Variants in NRG3 observed in about 807,000 individuals in gnomAD.
The protein encoded by NRG3 is neuregulin 3.
A neutral mutation model predicts 66.9 loss-of-function variants in NRG3; 31 were observed. The observed-to-expected ratio is 0.46, with a 90% CI of 0.35 to 0.63. The LOEUF is 0.63. Ranked by LOEUF, NRG3 falls within the 20% of genes least tolerant of loss-of-function variation. The pLI is 0.00. For synonymous variants in NRG3, 393 were observed against 359.4 expected (o/e 1.09, Z -1.06); for missense variants, 910 against 878.9 (o/e 1.04, Z -0.45).
chr10:82,568,758 A>G (rs1488638166), intron 2 of NRG3, among the ~76,000 whole-genome samples: 4 of 151,770 alleles, frequency 2.6e-5, no homozygotes, highest in South Asian at 2.1e-4. Flanking sequence ...TTACCTCCTT[A>G]TAACACGGAA....
intron 3 of NRG3, among the ~76,000 whole-genome samples, chr10:82,748,110 G>C (rs1291594392): frequency 2.0e-5 from 3 of 151,308 alleles, no homozygotes; most frequent in African/African-American, 7.3e-5. Flanking sequence ...CTACTCTGCA[G>C]ATAGGGGTAA....
chr10:82,385,361 T>C lies in NRG3; in HGVS notation c.953+26493T>C, dbSNP rs572229308. Reference sequence around the variant, plus strand: ...ATTTATTGACTGTATTTATTATACCTATTTTCTTCTCAGACAATCAAGAAT... The same window carrying C: ...ATTTATTGACTGTATTTATTATACCCATTTTCTTCTCAGACAATCAAGAAT... On this transcript the variant is annotated intron_variant, in intron 2 of 8. Transcript: ENST00000372141. 5.3e-5 allele frequency among the ~76,000 whole-genome samples: 8 copies of C among 152,270 alleles called. No individual in the cohort carries two copies. In the East Asian group the frequency reaches 1.5e-3, roughly 29 times the overall value.
At chr10:82,657,398 A>C (rs1338649833) in intron 2 of NRG3, among the ~76,000 whole-genome samples, 1 of 151,926 alleles carries the variant, frequency 6.6e-6, no homozygotes, top group Non-Finnish European at 1.5e-5. Flanking sequence ...TCCTGTTTTT[A>C]CTTATTTTTT....
chr10:82,413,727 T>G (rs1474695173), intron 2 of NRG3, among the ~76,000 whole-genome samples: 2 of 152,204 alleles, frequency 1.3e-5, no homozygotes, highest in African/African-American at 4.8e-5. Flanking sequence ...CTAGATCTTC[T>G]TGATTACTTG....
rs1035145882 is a variant in NRG3 at position 82,524,015 on chromosome 10, G to A, written c.953+165147G>A. Among the ~76,000 whole-genome samples the A allele has an allele frequency of 3.3e-5, 5 of 152,162 alleles. No individual in the cohort carries two copies. The Middle Eastern group carries it at 0.01, about 311-fold the overall frequency. On this transcript the variant is annotated intron_variant, in intron 2 of 8. Coordinates refer to ENST00000372141, the MANE Select transcript of NRG3 (RefSeq NM_001010848.4). ...CTTAAAGTTGTTACTGAGTTAAAAT[G>A]TAGAGCCTGAATTGTGAAGTGGATG...
At chr10:82,331,221 T>C (rs1362953065) in intron 1 of NRG3, among the ~76,000 whole-genome samples, 1 of 152,198 alleles carries the variant, frequency 6.6e-6, no homozygotes, top group African/African-American at 2.4e-5. Context: ...TGTTGTCTTT[T>C]CATCTTCTCT....
At chr10:82,724,282 A>G (rs1000768782) in intron 2 of NRG3, among the ~76,000 whole-genome samples, 2 of 151,872 alleles carry the variant, frequency 1.3e-5, no homozygotes, top group South Asian at 4.1e-4. Flanking sequence ...TGAGGCTTTT[A>G]ATATGAAATC....
At chr10:82,712,497 C>T (rs559386730) in intron 2 of NRG3, among the ~76,000 whole-genome samples, 2 of 152,306 alleles carry the variant, frequency 1.3e-5, no homozygotes, top group East Asian at 3.9e-4. Context: ...TATGATTCTC[C>T]ATGGCCAACG....
intron 3 of NRG3, among the ~76,000 whole-genome samples, chr10:82,781,680 G>A (rs2060123043): frequency 6.6e-6 from 1 of 152,008 alleles, no homozygotes; most frequent in African/African-American, 2.4e-5. Context: ...TACACACCAA[G>A]CAAGAAGGCT....
In NRG3 at chr10:82,070,041, C is replaced by T. The variant is rs79009373; in HGVS notation, c.823+193878C>T. ...CTCATCACCCAAGAAAATAACAGAT[C>T]GTAGATCTAACACATGCTTTACATG... is the stretch of plus-strand genomic sequence containing the variant. On this transcript the variant is annotated intron_variant, in intron 1 of 8. Transcript: ENST00000372141. Among the ~76,000 whole-genome samples, 972 of 152,248 alleles carry T rather than the reference C, an allele frequency of 6.4e-3. 10 individuals carry two copies. Among genetic ancestry groups the T allele is most frequent in the African/African-American group, 0.022 (923 of 41,554 alleles).
chr10:82,951,539 C>T lies in NRG3; in HGVS notation c.1125C>T (p.Gly375=), dbSNP rs776667988. The change falls in exon 5 of 9, where the codon GGC becomes GGT. Residue 375 remains glycine (G), a synonymous_variant. Transcript: ENST00000372141. ...TCATCTTTGGAATTGTCATCGTGGGCATGTTCTGTGCAGCATTCTACTTCA... is the reference window on the plus strand; with the variant it reads ...TCATCTTTGGAATTGTCATCGTGGGTATGTTCTGTGCAGCATTCTACTTCA... The part of the protein sequence containing the change: ...SCIIFGIVIV[G]MFCAAFYFKS... The T allele has an allele frequency of 1.2e-6, 2 of 1,613,888 alleles. No homozygotes were observed. Among genetic ancestry groups the T allele is most frequent in the East Asian group, 2.2e-5 (1 of 44,876 alleles).
chr10:82,116,891 A>G (rs1361302735), intron 1 of NRG3, among the ~76,000 whole-genome samples: 3 of 152,084 alleles, frequency 2.0e-5, no homozygotes, highest in African/African-American at 4.8e-5. Flanking sequence ...CCAGACATCC[A>G]TGACCTGGAG....
intron 1 of NRG3, among the ~76,000 whole-genome samples, chr10:81,989,313 A>G (rs750099526): frequency 1.3e-5 from 2 of 152,114 alleles, no homozygotes; most frequent in African/African-American, 2.4e-5. Flanking sequence ...CAGTCTATAG[A>G]TAGTTAGAGT....
chr10:82,206,247 T>C (rs2133564222), intron 1 of NRG3, among the ~76,000 whole-genome samples: 1 of 152,346 alleles, frequency 6.6e-6, no homozygotes, highest in East Asian at 1.9e-4. Flanking sequence ...TTAGAACAGA[T>C]AACTGAAATC....
chr10:82,019,642 A>G (rs1032079414), intron 1 of NRG3, among the ~76,000 whole-genome samples: 15 of 152,254 alleles, frequency 9.9e-5, no homozygotes, highest in African/African-American at 3.6e-4. Flanking sequence ...TAAGAGATTC[A>G]GCTTCTTCCT....
rs116361758 is a variant in NRG3 at position 82,415,686 on chromosome 10, C to T, written c.953+56818C>T. 2.2e-3 allele frequency among the ~76,000 whole-genome samples: 339 copies of T among 152,206 alleles called. 1 individual carries two copies. The highest frequency in any genetic ancestry group is 7.5e-3 in the African/African-American group (313 of 41,530). On this transcript the variant is annotated intron_variant, in intron 2 of 8. Transcript: ENST00000372141. Reference sequence around the variant, plus strand: ...TTTATAAAGTTGAGTCACGCTACTCCAGAGAATACTTGTTTTCGTTCTGTG... The same window carrying T: ...TTTATAAAGTTGAGTCACGCTACTCTAGAGAATACTTGTTTTCGTTCTGTG...
At chr10:82,304,475 G>A (rs2080594104) in intron 1 of NRG3, among the ~76,000 whole-genome samples, 1 of 152,052 alleles carries the variant, frequency 6.6e-6, no homozygotes, top group African/African-American at 2.4e-5. Context: ...TTTTTCCACT[G>A]AGCATTTTGA....
intron 2 of NRG3, among the ~76,000 whole-genome samples, chr10:82,496,646 A>G (rs1843661956): frequency 6.6e-6 from 1 of 152,078 alleles, no homozygotes; most frequent in South Asian, 2.1e-4. Context: ...CTCATTGTAA[A>G]CAGCCTTTTT....
At chr10:82,911,534 C>G (rs1845321337) in intron 4 of NRG3, among the ~76,000 whole-genome samples, 1 of 151,690 alleles carries the variant, frequency 6.6e-6, no homozygotes, top group South Asian at 2.1e-4. Context: ...TGGGCATACA[C>G]TTGTTCATAA....
Sources: gnomAD v4.1 joint callset for allele counts (sites outside exome capture counted in the v4.1 genomes callset) on GRCh38, gnomAD v4.1.1 for gene constraint, MANE v1.5 for transcripts, NCBI Gene and HGNC (gene_info 2026-07-23, HGNC 2026-07-21) for gene names.